Variants in CNTNAP2 observed in about 807,000 individuals in gnomAD.
The protein encoded by CNTNAP2 is contactin associated protein 2.
In CNTNAP2, 98 loss-of-function variants were observed where a neutral mutation model predicts 155.2. The ratio of observed to expected loss-of-function variants is 0.63; its 90% CI spans 0.54 to 0.75. CNTNAP2 has a LOEUF of 0.75. Among genes scored for constraint, CNTNAP2 ranks in the 30% least tolerant of loss-of-function variants. CNTNAP2 has a pLI of 0.00. For missense variants in CNTNAP2, 1,727 were observed against 1,688.1 expected, an observed-to-expected ratio of 1.02 and a Z score of -0.40; for synonymous variants, 651 against 631.2, an observed-to-expected ratio of 1.03 and a Z score of -0.47.
At chr7:147,924,653 G>T (rs117196367) in intron 14 of CNTNAP2, among the ~76,000 whole-genome samples, 1 of 152,148 alleles carries the variant, frequency 6.6e-6, no homozygotes, top group South Asian at 2.1e-4. Context: ...GGGAATGAGT[G>T]TGATGGTTAA....
Position 147,995,842 on chromosome 7 carries a change from GA to G in CNTNAP2, c.2383+17859del, listed in dbSNP as rs1801796019. 1.4e-5 allele frequency among the ~76,000 whole-genome samples: 2 copies of G among 141,020 alleles called. 1 individual carries two copies. The highest frequency in any genetic ancestry group is 4.5e-4 in the South Asian group (2 of 4,494). The allele number at this position is 141,020 out of a possible 152,430, so 92.5% of individuals were successfully genotyped here. On this transcript the variant is annotated intron_variant, in intron 15 of 23. Coordinates refer to ENST00000361727, the MANE Select transcript of CNTNAP2 (RefSeq NM_014141.6). Reference sequence around the variant, plus strand: ...TGTCCGAATTCTTAGAGAAGGAAAAGAAAAAAGACTGTGCTCTTTTCCCTTG... The same window carrying G: ...TGTCCGAATTCTTAGAGAAGGAAAAGAAAAAGACTGTGCTCTTTTCCCTTG...
chr7:147,605,329 C>T (rs1256280371), intron 12 of CNTNAP2, among the ~76,000 whole-genome samples: 1 of 152,030 alleles, frequency 6.6e-6, no homozygotes, highest in African/African-American at 2.4e-5. Context: ...ACTGCAAATG[C>T]ATGGAGTCCC....
intron 2 of CNTNAP2, among the ~76,000 whole-genome samples, chr7:146,784,378 T>C (rs554199598): frequency 1.3e-5 from 2 of 152,188 alleles, no homozygotes; most frequent in Non-Finnish European, 2.9e-5. Flanking sequence ...AGTTTGCGAA[T>C]AATTCATTAT....
At chr7:147,509,569 G>A (rs1390800430) in intron 11 of CNTNAP2, among the ~76,000 whole-genome samples, 1 of 152,056 alleles carries the variant, frequency 6.6e-6, no homozygotes, top group Non-Finnish European at 1.5e-5. Context: ...GAGAGAACCT[G>A]ATATTAGTCA....
At chr7:147,114,179 CTG>C (rs1474589996) in intron 5 of CNTNAP2, among the ~76,000 whole-genome samples, 1 of 151,824 alleles carries the variant, frequency 6.6e-6, no homozygotes, top group Non-Finnish European at 1.5e-5. Context: ...GTCTGAGAGA[CTG>C]TTATGATTTC....
chr7:147,050,764 C>A (rs190852760), intron 4 of CNTNAP2, among the ~76,000 whole-genome samples: 1 of 152,000 alleles, frequency 6.6e-6, no homozygotes, highest in Non-Finnish European at 1.5e-5. Context: ...AAATTTAAGA[C>A]GATGGAAAGG....
chr7:148,078,001 T>C (rs1803525357), intron 15 of CNTNAP2, among the ~76,000 whole-genome samples: 1 of 152,226 alleles, frequency 6.6e-6, no homozygotes, highest in African/African-American at 2.4e-5. Flanking sequence ...AATATTACAA[T>C]ATTAATTTTA....
At chr7:146,176,427 C>A (rs910164187) in intron 1 of CNTNAP2, among the ~76,000 whole-genome samples, 1 of 152,000 alleles carries the variant, frequency 6.6e-6, no homozygotes, top group African/African-American at 2.4e-5. Flanking sequence ...ATCAAGAGTA[C>A]TAGGGGAAGT....
At chr7:146,605,110 A>G (rs1335046856) in intron 1 of CNTNAP2, among the ~76,000 whole-genome samples, 4 of 150,536 alleles carry the variant, frequency 2.7e-5, no homozygotes, top group Non-Finnish European at 5.9e-5. Flanking sequence ...AAAAAAAAAT[A>G]CTGCAATATC....
At chr7:147,466,635 A>G (rs2116599072) in intron 10 of CNTNAP2, among the ~76,000 whole-genome samples, 1 of 152,294 alleles carries the variant, frequency 6.6e-6, no homozygotes, top group African/African-American at 2.4e-5. Context: ...TAGAAAATAA[A>G]AATTTATGCA....
intron 10 of CNTNAP2, 139 bp from the exon 11 acceptor site, chr7:147,485,796 C>A: frequency 1.2e-6 from 1 of 802,276 alleles, no homozygotes; most frequent in Non-Finnish European, 2.2e-6. Flanking sequence ...TATTAATCTG[C>A]TTAAACTAAC....
At chr7:146,991,627 A>G (rs1304358789) in intron 3 of CNTNAP2, among the ~76,000 whole-genome samples, 1 of 152,222 alleles carries the variant, frequency 6.6e-6, no homozygotes, top group Non-Finnish European at 1.5e-5. Context: ...AATTCTGGGC[A>G]TACATAAGCC....
chr7:147,256,480 C>T (rs140356952), intron 8 of CNTNAP2, among the ~76,000 whole-genome samples: 71 of 152,056 alleles, frequency 4.7e-4, no homozygotes, highest in Admixed American at 4.4e-3. Flanking sequence ...AATGTAGGAG[C>T]AGTATGCAAG....
chr7:147,147,319 G>A (rs1801726867), intron 8 of CNTNAP2, among the ~76,000 whole-genome samples: 1 of 152,138 alleles, frequency 6.6e-6, no homozygotes, highest in Non-Finnish European at 1.5e-5. Flanking sequence ...AATTCAAGAT[G>A]AGATTTGGGT....
chr7:147,288,581 T>G (rs1192326667), intron 8 of CNTNAP2, among the ~76,000 whole-genome samples: 3 of 152,222 alleles, frequency 2.0e-5, no homozygotes, highest in African/African-American at 7.2e-5. Context: ...ATCACGTGCT[T>G]CTTCCTGTTT....
intron 1 of CNTNAP2, among the ~76,000 whole-genome samples, chr7:146,168,933 C>T (rs1302636176): frequency 1.3e-5 from 2 of 152,128 alleles, no homozygotes; most frequent in South Asian, 2.1e-4. Context: ...TTACCTCTTC[C>T]CTCATAACCT....
At chr7:148,244,755 G>GTTTCACCA (rs1206960446) in intron 20 of CNTNAP2, among the ~76,000 whole-genome samples, 2 of 151,652 alleles carry the variant, frequency 1.3e-5, no homozygotes, top group African/African-American at 4.8e-5. Context: ...TAGAGATGGG[G>GTTTCACCA]TTTCACCATG....
At chr7:146,784,952 T>C (rs762618395) in intron 2 of CNTNAP2, among the ~76,000 whole-genome samples, 6 of 151,310 alleles carry the variant, frequency 4.0e-5, no homozygotes, top group Admixed American at 6.6e-5. Flanking sequence ...AATAATCATT[T>C]AATATTCCTT....
chr7:147,455,859 G>A lies in CNTNAP2; in HGVS notation c.1671-30076G>A, dbSNP rs192648058. 8.5e-4 allele frequency among the ~76,000 whole-genome samples: 129 copies of A among 152,092 alleles called. 1 individual carries two copies. Among genetic ancestry groups the A allele is most frequent in the African/African-American group, 2.9e-3 (121 of 41,514 alleles). On this transcript the variant is annotated intron_variant, in intron 10 of 23. Transcript: ENST00000361727. ...AAGATTCTTCTAGCAAGCCAAGGCC[G>A]TTCAACACTAGGAAGTCTAATAGTA...
Sources: gnomAD v4.1 joint callset for allele counts (sites outside exome capture counted in the v4.1 genomes callset) on GRCh38, gnomAD v4.1.1 for gene constraint, MANE v1.5 for transcripts, NCBI Gene and HGNC (gene_info 2026-07-23, HGNC 2026-07-21) for gene names.